Variants in ITIH2 observed in about 807,000 individuals in gnomAD.
ITIH2 encodes the protein inter-alpha-trypsin inhibitor heavy chain 2.
Under a neutral mutation model 104.4 loss-of-function variants are expected in ITIH2, and 103 were observed. That is an observed-to-expected ratio of 0.99 (90% CI 0.84 to 1.16). The LOEUF (loss-of-function observed/expected upper bound fraction) is 1.16, where lower values mean the gene tolerates loss of function less well. Among genes scored for constraint, ITIH2 ranks in the 50% most tolerant of loss-of-function variants. ITIH2 has a pLI of 0.00. For missense variants in ITIH2, 1,108 were observed against 1,162.4 expected, an observed-to-expected ratio of 0.95 and a Z score of 0.68; for synonymous variants, 436 against 435.4, an observed-to-expected ratio of 1.00 and a Z score of -0.02.
At chr10:7,717,492 A>G (rs1044987590) in intron 5 of ITIH2, 134 bp from the exon 6 acceptor site, 1 of 731,490 alleles carries the variant, frequency 1.4e-6, no homozygotes, top group African/African-American at 1.7e-5. Flanking sequence ...TCTCTAGTGT[A>G]CCTACTGTTC....
chr10:7,712,887 A>G (rs7091826), intron 4 of ITIH2, among the ~76,000 whole-genome samples: 53,925 of 152,048 alleles, frequency 0.35, 10,857 homozygotes, highest in African/African-American at 0.56. Flanking sequence ...TTGGGAGGCC[A>G]AGCCAGGTGG....
At chr10:7,718,876 G>A (rs145140261) in intron 6 of ITIH2, among the ~76,000 whole-genome samples, 2 of 152,270 alleles carry the variant, frequency 1.3e-5, no homozygotes, top group African/African-American at 4.8e-5. Context: ...ATCACCGCAG[G>A]GGAGCAGTGC....
intron 14 of ITIH2, among the ~76,000 whole-genome samples, chr10:7,734,081 G>C (rs187416313): frequency 6.6e-6 from 1 of 152,266 alleles, no homozygotes; most frequent in African/African-American, 2.4e-5. Flanking sequence ...AGTAGGTGGA[G>C]CACAGAGCAT....
intron 2 of ITIH2, among the ~76,000 whole-genome samples, chr10:7,706,971 A>G (rs1369271804): frequency 6.6e-6 from 1 of 152,224 alleles, no homozygotes; most frequent in Non-Finnish European, 1.5e-5. Flanking sequence ...CATTATATCC[A>G]AGAATGACAC....
chr10:7,743,266 T>A lies in ITIH2; in HGVS notation c.2209+7T>A. On this transcript the variant is annotated splice_region_variant and intron_variant, in intron 17 of 20. Transcript: ENST00000358415. ...GTTTCTGACCCAGAATCAGGTAAAATAAAAATAAATTATATTTGCACCAAT... is the reference window on the plus strand; with the variant it reads ...GTTTCTGACCCAGAATCAGGTAAAAAAAAAATAAATTATATTTGCACCAAT... 7.1e-7 allele frequency: 1 copy of A among 1,408,704 alleles called. No homozygotes were observed. Among genetic ancestry groups the A allele is most frequent in the Non-Finnish European group, 9.9e-7 (1 of 1,007,918 alleles). 87.3% of individuals were successfully genotyped at this position (1,408,704 alleles called of 1,614,324 possible).
intron 11 of ITIH2, among the ~76,000 whole-genome samples, chr10:7,729,147 C>A (rs1834977429): frequency 6.6e-6 from 1 of 152,104 alleles, no homozygotes; most frequent in South Asian, 2.1e-4. Context: ...AACCCCATCT[C>A]TACTAAAAAT....
chr10:7,740,699 T>C (rs1746333228), intron 16 of ITIH2, among the ~76,000 whole-genome samples: 1 of 152,218 alleles, frequency 6.6e-6, no homozygotes, highest in African/African-American at 2.4e-5. Context: ...TAGACAGTCC[T>C]GGAGACACAT....
chr10:7,730,134 G>A lies in ITIH2; in HGVS notation c.1461+1G>A, dbSNP rs766610491. ...CCAGGACACGTCTTCCCAGCTTAAG[G>A]TAACATTTTCTTCTGTTCTTTTTTT... On this transcript the variant is annotated splice_donor_variant, in intron 12 of 20. Coordinates refer to ENST00000358415, the MANE Select transcript of ITIH2 (RefSeq NM_002216.3). LOFTEE classifies it high-confidence loss of function. 5 of 1,587,760 alleles carry A rather than the reference G, an allele frequency of 3.1e-6. No homozygotes were observed. In the South Asian group the frequency reaches 5.8e-5, roughly 18 times the overall value.
chr10:7,709,321 AG>A (rs1834775184), intron 4 of ITIH2, 130 bp downstream of exon 4: 3 of 762,894 alleles, frequency 3.9e-6, no homozygotes, highest in Admixed American at 2.6e-5. Flanking sequence ...GGTCATTGTG[AG>A]GTTGGTCCCA....
chr10:7,722,444 TG>T (rs1388562284), intron 8 of ITIH2, among the ~76,000 whole-genome samples: 1 of 152,168 alleles, frequency 6.6e-6, no homozygotes, highest in Non-Finnish European at 1.5e-5. Flanking sequence ...GGAGTCCAGC[TG>T]GGGCAGCCTC....
chr10:7,741,170 A>C (rs970773162), intron 16 of ITIH2, among the ~76,000 whole-genome samples: 19 of 130,330 alleles, frequency 1.5e-4, no homozygotes, highest in Non-Finnish European at 2.2e-4. Context: ...ATGATTGTTT[A>C]AGGTTTTTTT....
intron 5 of ITIH2, among the ~76,000 whole-genome samples, chr10:7,714,234 C>T (rs1024650889): frequency 2.4e-4 from 32 of 134,706 alleles, no homozygotes; most frequent in African/African-American, 8.4e-4. Context: ...TGCAGTGGTG[C>T]GATCTCGGCT....
rs150981520 is a variant in ITIH2 at position 7,720,614 on chromosome 10, G to A, written c.631-242G>A. On this transcript the variant is annotated intron_variant, in intron 6 of 20. Transcript: ENST00000358415. ...CTCGAATAGAATGAGGAAGGGAGTC[G>A]ACTCCTGGGGGAGTGAGGCAGCAGA... 9.1e-4 allele frequency among the ~76,000 whole-genome samples: 138 copies of A among 152,228 alleles called. 1 individual carries two copies. In the East Asian group the frequency reaches 0.022, roughly 24 times the overall value.
chr10:7,713,373 G>A (rs577964340), intron 5 of ITIH2, 88 bp downstream of exon 5: 3 of 1,038,868 alleles, frequency 2.9e-6, no homozygotes, highest in African/African-American at 3.1e-5. Flanking sequence ...AGCAGCCTCT[G>A]GAAAGGCACA....
At chr10:7,710,656 A>C (rs1037284213) in intron 4 of ITIH2, among the ~76,000 whole-genome samples, 1 of 152,214 alleles carries the variant, frequency 6.6e-6, no homozygotes, top group African/African-American at 2.4e-5. Context: ...TGGCTGCCGA[A>C]AGTGGCAGTC....
chr10:7,709,762 T>C (rs1158313187), intron 4 of ITIH2, among the ~76,000 whole-genome samples: 1 of 152,220 alleles, frequency 6.6e-6, no homozygotes, highest in Non-Finnish European at 1.5e-5. Flanking sequence ...TTCTACCCAA[T>C]GACTCTAGTG....
intron 16 of ITIH2, among the ~76,000 whole-genome samples, chr10:7,739,115 A>G (rs1186051987): frequency 6.6e-6 from 1 of 151,970 alleles, no homozygotes; most frequent in Non-Finnish European, 1.5e-5. Context: ...TCCGTTGTCA[A>G]TTTCTTTGCC....
chr10:7,713,119 C>A, intron 4 of ITIH2, 62 bp from the exon 5 acceptor site: 1 of 1,326,228 alleles, frequency 7.5e-7, no homozygotes, highest in South Asian at 1.2e-5. Flanking sequence ...GACTCCATCT[C>A]GAGGGGAAAA....
chr10:7,714,229 T>A (rs1032624791), intron 5 of ITIH2, among the ~76,000 whole-genome samples: 3 of 144,108 alleles, frequency 2.1e-5, no homozygotes, highest in Non-Finnish European at 4.5e-5. Flanking sequence ...TGGAGTGCAG[T>A]GGTGCGATCT....
Sources: gnomAD v4.1 joint callset for allele counts (sites outside exome capture counted in the v4.1 genomes callset) on GRCh38, gnomAD v4.1.1 for gene constraint, MANE v1.5 for transcripts, NCBI Gene and HGNC (gene_info 2026-07-23, HGNC 2026-07-21) for gene names.